The following ZBTB8A variants were observed in gnomAD, a reference collection of about 807,000 sequenced individuals.
ZBTB8A encodes the protein zinc finger and BTB domain-containing protein 8A.
A neutral mutation model predicts 37.8 loss-of-function variants in ZBTB8A; 19 were observed. The ratio of observed to expected loss-of-function variants is 0.50; its 90% confidence interval spans 0.35 to 0.74. The LOEUF (loss-of-function observed/expected upper bound fraction) is 0.74, where lower values mean the gene tolerates loss of function less well. Ranked by LOEUF, ZBTB8A falls within the 30% of genes least tolerant of loss-of-function variation. The pLI, the probability that ZBTB8A is intolerant of heterozygous loss-of-function variation, is 0.01. For synonymous variants in ZBTB8A, 181 were observed against 185.2 expected, an observed-to-expected ratio of 0.98 and a Z score of 0.19; for missense variants, 394 against 537.8, an observed-to-expected ratio of 0.73 and a Z score of 2.65.
intron 2 of ZBTB8A, among the ~76,000 whole-genome samples, chr1:32,582,641 CAAA>C (rs200979052): frequency 2.2e-5 from 3 of 138,322 alleles, no homozygotes; most frequent in African/African-American, 5.3e-5. Flanking sequence ...GAAACTCTCT[CAAA>C]AAAAAAAAAG....
intron 1 of ZBTB8A, among the ~76,000 whole-genome samples, chr1:32,547,183 T>C (rs1294608605): frequency 6.6e-6 from 1 of 151,632 alleles, no homozygotes; most frequent in Non-Finnish European, 1.5e-5. Flanking sequence ...GGATTATAGA[T>C]ATGAGCTACC....
intron 1 of ZBTB8A, among the ~76,000 whole-genome samples, chr1:32,550,789 T>C (rs1348295780): frequency 4.6e-5 from 7 of 151,754 alleles, no homozygotes; most frequent in Admixed American, 4.6e-4. Flanking sequence ...AAACCCCGCC[T>C]CTACTAAAAA....
chr1:32,548,109 G>A (rs1644121057), intron 1 of ZBTB8A, among the ~76,000 whole-genome samples: 1 of 145,366 alleles, frequency 6.9e-6, no homozygotes, highest in Non-Finnish European at 1.5e-5. Context: ...CTCCAGCTTG[G>A]GCGACAGAGC....
chr1:32,553,935 C>T (rs1321870617), intron 2 of ZBTB8A, among the ~76,000 whole-genome samples: 1 of 147,310 alleles, frequency 6.8e-6, no homozygotes, highest in Middle Eastern at 4.0e-3. Context: ...TACGGTGGCT[C>T]ACGCCTGTAA....
At chr1:32,549,651 G>A (rs1306013186) in intron 1 of ZBTB8A, among the ~76,000 whole-genome samples, 1 of 152,198 alleles carries the variant, frequency 6.6e-6, no homozygotes, top group Non-Finnish European at 1.5e-5. Context: ...ATCCCCTTGA[G>A]CCTAGGAGTT....
intron 2 of ZBTB8A, among the ~76,000 whole-genome samples, chr1:32,555,913 A>G (rs1644198067): frequency 6.6e-6 from 1 of 151,772 alleles, no homozygotes; most frequent in African/African-American, 2.4e-5. Flanking sequence ...TTTAATTTTA[A>G]TTTAATTTTT....
intron 2 of ZBTB8A, among the ~76,000 whole-genome samples, chr1:32,575,226 C>CTTTTTTTTTTTTTTTTTTTTTTTTTCTT (rs778765276): frequency 2.0e-5 from 2 of 100,992 alleles, no homozygotes; most frequent in Non-Finnish European, 4.0e-5. Context: ...CTTTTCTTTC[C>CTTTTTTTTTTTTTTTTTTTTTTTTTCTT]TTTTTTTTTT....
chr1:32,556,778 G>A (rs952437773), intron 2 of ZBTB8A, among the ~76,000 whole-genome samples: 11 of 152,028 alleles, frequency 7.2e-5, no homozygotes, highest in Admixed American at 2.6e-4. Context: ...TCGGGAGGCT[G>A]AGGCAGAAGA....
At chr1:32,566,504 G>A (rs971401421) in intron 2 of ZBTB8A, among the ~76,000 whole-genome samples, 2 of 152,106 alleles carry the variant, frequency 1.3e-5, no homozygotes, top group South Asian at 2.1e-4. Flanking sequence ...CAGCTTGGGC[G>A]ACAGAGCAAG....
rs1644501444 is a variant in ZBTB8A, at chr1:32,592,987, G to C, written c.56G>C (p.Arg19Thr). The C allele has an allele frequency of 6.2e-7, 1 of 1,614,192 alleles. No individual in the cohort carries two copies. The highest frequency in any genetic ancestry group is 1.7e-5 in the Admixed American group (1 of 60,006). ...CTGCAGCAACTGAACGAGCAGCGCAGGCAAGATGTATTTTGTGACTGCAGT... is the reference window on the plus strand; with the variant it reads ...CTGCAGCAACTGAACGAGCAGCGCACGCAAGATGTATTTTGTGACTGCAGT... ...HLLQQLNEQRRQDVFCDCSIL... is the reference protein window; with the variant it reads ...HLLQQLNEQRTQDVFCDCSIL... The change falls in exon 3 of 5, where the codon AGG (arginine) becomes ACG (threonine). Residue 19 changes from arginine (R) to threonine (T), a missense_variant. Arg to Thr is a moderately conservative substitution (Grantham distance 71). Transcript: ENST00000373510.
intron 2 of ZBTB8A, among the ~76,000 whole-genome samples, chr1:32,592,386 C>CA (rs111414616): frequency 2.2e-4 from 33 of 149,426 alleles, no homozygotes; most frequent in Admixed American, 4.7e-4. Flanking sequence ...AACAAAAAAA[C>CA]AAAAAAAAAC....
At position 32,593,693 on chromosome 1, in the gene ZBTB8A, C is replaced by T. The variant is rs756377296; in HGVS notation, c.762C>T (p.Asp254=). Residue 254 remains aspartate, a synonymous_variant, in exon 3 of 5, where the codon GAC becomes GAT. Coordinates refer to ENST00000373510, the MANE Select transcript of ZBTB8A (RefSeq NM_001040441.3). ...EEQAQIDAEM[D]STPVGYQYGQ... is the part of the protein sequence containing the mutation. ...AAGCACAGATTGATGCTGAAATGGA[C>T]TCTACTCCTGTTGGCTATCAGTACG... 3 of 1,614,044 alleles carry T rather than the reference C, an allele frequency of 1.9e-6. No homozygotes were observed. Among genetic ancestry groups the T allele is most frequent in the Non-Finnish European group, 2.5e-6 (3 of 1,180,038 alleles).
At chr1:32,549,265 G>A (rs537222867) in intron 1 of ZBTB8A, among the ~76,000 whole-genome samples, 3 of 152,192 alleles carry the variant, frequency 2.0e-5, no homozygotes, top group African/African-American at 7.2e-5. Flanking sequence ...AGGCCGAGGC[G>A]GGCGGATCAC....
intron 3 of ZBTB8A, among the ~76,000 whole-genome samples, chr1:32,594,061 A>C (rs986952573): frequency 2.6e-5 from 4 of 151,832 alleles, no homozygotes; most frequent in Non-Finnish European, 5.9e-5. Flanking sequence ...GAGCATTGTG[A>C]TGTGTGCCTG....
chr1:32,540,247 T>G (rs1019127730), intron 1 of ZBTB8A, among the ~76,000 whole-genome samples: 1 of 152,144 alleles, frequency 6.6e-6, no homozygotes, highest in Non-Finnish European at 1.5e-5. Flanking sequence ...GCTTGTTCCC[T>G]TCCCCTTCAG....
At chr1:32,544,987 G>A (rs1396874617) in intron 1 of ZBTB8A, among the ~76,000 whole-genome samples, 3 of 152,052 alleles carry the variant, frequency 2.0e-5, no homozygotes, top group African/African-American at 2.4e-5. Context: ...CTGTGTAGAC[G>A]TATGTGTTCA....
chr1:32,585,686 G>A (rs1644442315), intron 2 of ZBTB8A, among the ~76,000 whole-genome samples: 1 of 152,030 alleles, frequency 6.6e-6, no homozygotes, highest in African/African-American at 2.4e-5. Flanking sequence ...GAGGTAGAAG[G>A]GTCGACAGCA....
intron 2 of ZBTB8A, among the ~76,000 whole-genome samples, chr1:32,561,987 C>T (rs1445779151): frequency 1.3e-5 from 2 of 151,918 alleles, no homozygotes; most frequent in African/African-American, 4.8e-5. Flanking sequence ...TCTCAGTTTG[C>T]CATCCAGGCT....
intron 1 of ZBTB8A, among the ~76,000 whole-genome samples, chr1:32,548,352 T>C (rs1644123726): frequency 6.6e-6 from 1 of 152,034 alleles, no homozygotes; most frequent in South Asian, 2.1e-4. Context: ...GTTTTTGTTT[T>C]GAGACAGAGT....
Sources: gnomAD v4.1 joint callset for allele counts (sites outside exome capture counted in the v4.1 genomes callset) on GRCh38, gnomAD v4.1.1 for gene constraint, MANE v1.5 for transcripts, NCBI Gene and HGNC (gene_info 2026-07-23, HGNC 2026-07-21) for gene names.